ZNF695: variants seen among roughly 807,000 people sequenced by gnomAD.
ZNF695 encodes zinc finger protein 695, also known as zinc finger protein SBZF3.
A neutral mutation model predicts 11.2 loss-of-function variants in ZNF695; 11 were observed. That is an observed-to-expected ratio of 0.98 (90% CI 0.62 to 1.62). The LOEUF is 1.62. Among genes scored for constraint, ZNF695 ranks in the 40% most tolerant of loss-of-function variants. The pLI is 0.00. For missense variants in ZNF695, 559 were observed against 590.5 expected (o/e 0.95, Z 0.55); for synonymous variants, 190 against 201.4 (o/e 0.94, Z 0.48).
chr1:246,956,949 T>C (rs968490878), intron 5 of ZNF695, among the ~76,000 whole-genome samples: 2 of 152,198 alleles, frequency 1.3e-5, no homozygotes, highest in African/African-American at 4.8e-5. Flanking sequence ...TATCATGATA[T>C]GTGAAATGAA....
At chr1:247,003,110 G>C (rs907430121) in intron 1 of ZNF695, among the ~76,000 whole-genome samples, 2 of 152,130 alleles carry the variant, frequency 1.3e-5, no homozygotes, top group African/African-American at 4.8e-5. Context: ...TCCCATTACA[G>C]GGTATATACC....
At chr1:246,990,681 T>C (rs958905375) in intron 3 of ZNF695, among the ~76,000 whole-genome samples, 2 of 152,216 alleles carry the variant, frequency 1.3e-5, no homozygotes, top group African/African-American at 2.4e-5. Flanking sequence ...CCTCAGCACA[T>C]GGATCATTCT....
intron 5 of ZNF695, among the ~76,000 whole-genome samples, chr1:246,959,350 T>TAA (rs1668105101): frequency 2.0e-5 from 2 of 98,374 alleles, no homozygotes; most frequent in Admixed American, 1.3e-4. Context: ...TATATATATA[T>TAA]AAAATCTCTT....
intron 4 of ZNF695, among the ~76,000 whole-genome samples, chr1:246,976,759 A>ATG (rs1668577732): frequency 6.6e-6 from 1 of 152,076 alleles, no homozygotes; most frequent in Admixed American, 6.6e-5. Flanking sequence ...GCGCCACTGC[A>ATG]CTCCAGCCTG....
At chr1:246,983,545 G>A (rs898719972), downstream of ZNF695, among the ~76,000 whole-genome samples, 10 of 151,660 alleles carry the variant, frequency 6.6e-5, no homozygotes, top group East Asian at 2.0e-4. Flanking sequence ...TTGGCTGGGC[G>A]CAGTGGCTCA....
At chr1:246,978,780 A>G (rs1668631082) in intron 4 of ZNF695, among the ~76,000 whole-genome samples, 1 of 152,160 alleles carries the variant, frequency 6.6e-6, no homozygotes, top group African/African-American at 2.4e-5. Flanking sequence ...CCTCTCCTTC[A>G]TGTTACTCAC....
In ZNF695 at chr1:246,974,352, G is replaced by C. The variant is rs142126118; in HGVS notation, c.391-6560C>G. 3.3e-5 allele frequency among the ~76,000 whole-genome samples: 5 copies of C among 152,270 alleles called. 1 individual carries two copies. Among genetic ancestry groups the C allele is most frequent in the Middle Eastern group, 3.4e-3 (1 of 294 alleles). Reference sequence around the variant, plus strand: ...TTGGAATATCAGATCTCTGGTCTAGGATTCAAAATACTGGGTTATGAGTCC... The same window carrying C: ...TTGGAATATCAGATCTCTGGTCTAGCATTCAAAATACTGGGTTATGAGTCC... On this transcript the variant is annotated intron_variant, in intron 4 of 5. Transcript: ENST00000487338.
chr1:246,965,064 ACT>A (rs1212318720), intron 5 of ZNF695, among the ~76,000 whole-genome samples: 1 of 151,032 alleles, frequency 6.6e-6, no homozygotes, highest in Non-Finnish European at 1.5e-5. Context: ...CAGACTGATG[ACT>A]CTACAAGAAG....
intron 5 of ZNF695, among the ~76,000 whole-genome samples, chr1:246,961,654 T>C (rs1668166813): frequency 6.6e-6 from 1 of 152,218 alleles, no homozygotes; most frequent in Non-Finnish European, 1.5e-5. Flanking sequence ...AGTATTTTGC[T>C]TCAGACCCAA....
chr1:246,971,035 A>G (rs992814351), intron 4 of ZNF695, among the ~76,000 whole-genome samples: 9 of 152,322 alleles, frequency 5.9e-5, no homozygotes, highest in African/African-American at 2.2e-4. Context: ...GGCCCAGGGG[A>G]CTACTACCAC....
intron 1 of ZNF695, among the ~76,000 whole-genome samples, chr1:247,001,581 C>T (rs1334130778): frequency 2.0e-5 from 3 of 151,362 alleles, no homozygotes; most frequent in East Asian, 3.9e-4. Context: ...CACGTGGTGG[C>T]GGGCGCCTGT....
At chr1:247,006,900 T>C (rs1669556248) in intron 1 of ZNF695, among the ~76,000 whole-genome samples, 5 of 152,214 alleles carry the variant, frequency 3.3e-5, no homozygotes, top group Admixed American at 2.0e-4. Flanking sequence ...TAAGGAATCC[T>C]AGCTAACTTA....
chr1:247,005,978 C>A (rs1669521372), intron 1 of ZNF695, among the ~76,000 whole-genome samples: 1 of 152,144 alleles, frequency 6.6e-6, no homozygotes, highest in African/African-American at 2.4e-5. Flanking sequence ...GTAATCCCAG[C>A]ACTTTGGGAG....
At chr1:246,990,510 T>C (rs1401205686) in intron 3 of ZNF695, among the ~76,000 whole-genome samples, 3 of 152,226 alleles carry the variant, frequency 2.0e-5, no homozygotes, top group African/African-American at 7.2e-5. Context: ...CCCAGTACAG[T>C]AACCGCTATA....
chr1:246,959,438 T>C (rs1668107880), intron 5 of ZNF695, among the ~76,000 whole-genome samples: 1 of 149,004 alleles, frequency 6.7e-6, no homozygotes, highest in Admixed American at 6.7e-5. Context: ...TTTTTTGTTT[T>C]TGTTTTGAGA....
chr1:246,990,906 A>C (rs1481733040), intron 3 of ZNF695, among the ~76,000 whole-genome samples: 1 of 152,204 alleles, frequency 6.6e-6, no homozygotes, highest in African/African-American at 2.4e-5. Flanking sequence ...TTCTTGAGAC[A>C]AATGATAACA....
At chr1:247,003,645 A>G (rs889013399) in intron 1 of ZNF695, among the ~76,000 whole-genome samples, 1 of 152,352 alleles carries the variant, frequency 6.6e-6, no homozygotes, top group African/African-American at 2.4e-5. Flanking sequence ...ATTATAGGGG[A>G]AAAAGTTTCT....
intron 5 of ZNF695, among the ~76,000 whole-genome samples, chr1:246,946,309 G>A (rs1667733373): frequency 6.6e-6 from 1 of 152,094 alleles, no homozygotes; most frequent in Admixed American, 6.6e-5. Context: ...CAACGTGACT[G>A]TACTTTCATT....
downstream of ZNF695, among the ~76,000 whole-genome samples, chr1:246,983,404 C>T (rs1668764703): frequency 6.6e-6 from 1 of 151,972 alleles, no homozygotes; most frequent in African/African-American, 2.4e-5. Flanking sequence ...GGCTGTACTC[C>T]TAGCTACCCA....
Sources: allele counts gnomAD v4.1 joint callset (sites outside exome capture counted in the v4.1 genomes callset), GRCh38; gene constraint gnomAD v4.1.1; transcripts MANE v1.5; gene names NCBI Gene and HGNC (gene_info 2026-07-23, HGNC 2026-07-21).